REXO5: variants seen among roughly 807,000 people sequenced by gnomAD.
REXO5 encodes the protein exonuclease NEF-sp.
Under a neutral mutation model 88.5 loss-of-function variants are expected in REXO5, and 48 were observed. The ratio of observed to expected loss-of-function variants is 0.54; its 90% CI spans 0.43 to 0.69. The LOEUF is 0.69. Among genes scored for constraint, REXO5 ranks in the 30% least tolerant of loss-of-function variants. The pLI, the probability that REXO5 is intolerant of heterozygous loss-of-function variation, is 0.00. For synonymous variants in REXO5, 311 were observed against 336.5 expected, an observed-to-expected ratio of 0.92 and a Z score of 0.83; for missense variants, 749 against 912.2, an observed-to-expected ratio of 0.82 and a Z score of 2.30.
At chr16:20,820,544 A>ATATT (rs2081166591) in intron 5 of REXO5, among the ~76,000 whole-genome samples, 2 of 13,272 alleles carry the variant, frequency 1.5e-4, no homozygotes, top group African/African-American at 5.6e-4. Context: ...ATATATATAT[A>ATATT]TTTTTTTTTT....
chr16:20,834,340 C>T (rs779078681), intron 13 of REXO5, among the ~76,000 whole-genome samples: 11 of 152,290 alleles, frequency 7.2e-5, no homozygotes, highest in East Asian at 1.9e-4. Flanking sequence ...ATGCCAGTAT[C>T]GCTTGAGCGC....
chr16:20,840,708 C>T (rs2081513860), intron 15 of REXO5, among the ~76,000 whole-genome samples: 1 of 152,114 alleles, frequency 6.6e-6, no homozygotes, highest in Admixed American at 6.5e-5. Flanking sequence ...TGGCCTATAC[C>T]TGTAATCCCA....
chr16:20,828,446 A>G lies in REXO5; in HGVS notation c.1067A>G (p.Gln356Arg), dbSNP rs1223375853. Reference sequence around the variant, plus strand: ...TATTGACTTTCCAGGAAGGATATACAGTGTCCAGACAGACTTGGTCATGAT... The same window carrying G: ...TATTGACTTTCCAGGAAGGATATACGGTGTCCAGACAGACTTGGTCATGAT... ...LAKVILGKDI[Q>R]CPDRLGHDAT... The change falls in exon 11 of 20, where the codon CAG becomes CGG. Residue 356 changes from glutamine (Q) to arginine (R), a missense_variant. Transcript: ENST00000261377. 6.2e-7 allele frequency: 1 copy of G among 1,611,192 alleles called. No homozygotes were observed. Among genetic ancestry groups the G allele is most frequent in the Non-Finnish European group, 8.5e-7 (1 of 1,177,406 alleles).
At chr16:20,812,498 C>T (rs192889466) in intron 2 of REXO5, among the ~76,000 whole-genome samples, 40 of 152,218 alleles carry the variant, frequency 2.6e-4, no homozygotes, top group Admixed American at 1.8e-3. Context: ...GTACTCCATC[C>T]TGGGTGACAG....
intron 5 of REXO5, among the ~76,000 whole-genome samples, chr16:20,818,061 CA>C (rs2081108218): frequency 6.6e-6 from 1 of 152,158 alleles, no homozygotes; most frequent in South Asian, 2.1e-4. Flanking sequence ...AAACTGTCTG[CA>C]TGCCTAATTC....
chr16:20,846,392 G>GT (rs2152513562), intron 19 of REXO5, 53 bp downstream of exon 19: 2 of 1,361,590 alleles, frequency 1.5e-6, no homozygotes, highest in African/African-American at 2.9e-5. Context: ...GATTTCAGCT[G>GT]TTCTTAGAGA....
chr16:20,845,302 T>A (rs1159536989), intron 18 of REXO5, 61 bp downstream of exon 18: 2 of 1,428,498 alleles, frequency 1.4e-6, no homozygotes, highest in Non-Finnish European at 1.9e-6. Flanking sequence ...TGACACTTAA[T>A]CCTTTAATCT....
intron 5 of REXO5, among the ~76,000 whole-genome samples, chr16:20,819,148 C>T (rs1001757428): frequency 1.8e-4 from 27 of 152,132 alleles, no homozygotes; most frequent in Admixed American, 8.5e-4. Context: ...ATATGTACCA[C>T]ATTTTTTTTT....
rs766840145 is a variant in REXO5 at position 20,815,008 on chromosome 16, C to A, written c.333C>A (p.Tyr111Ter). 47 of 1,613,674 alleles carry A rather than the reference C, an allele frequency of 2.9e-5. No homozygotes were observed. The highest frequency in any genetic ancestry group is 3.9e-5 in the Non-Finnish European group (46 of 1,179,942). The stretch of plus-strand genomic sequence containing the variant: ...AGGGAATGAGTCAGCTACACTTTTA[C>A]AGGTTCTATTTGGAGTTTGGATGTC... ...VLQGMSQLHF[Y>*]RFYLEFGCLR... The change falls in exon 4 of 20, where the codon TAC becomes TAA. Residue 111 changes from tyrosine to a stop codon, truncating the protein, a stop_gained. Transcript: ENST00000261377. LOFTEE classifies it high-confidence loss of function.
At chr16:20,848,346 A>G (rs1392475112) in intron 19 of REXO5, among the ~76,000 whole-genome samples, 3 of 152,212 alleles carry the variant, frequency 2.0e-5, no homozygotes, top group African/African-American at 7.2e-5. Context: ...ATTAATATTG[A>G]AAACAACAGT....
Position 20,815,016 on chromosome 16 carries a change from A to G in REXO5, c.341A>G (p.Tyr114Cys), listed in dbSNP as rs752154289. The G allele has an allele frequency of 6.2e-7, 1 of 1,613,618 alleles. No homozygotes were observed. ...AGTCAGCTACACTTTTACAGGTTCT[A>G]TTTGGAGTTTGGATGTCTTCGAAAA... ...GMSQLHFYRF[Y>C]LEFGCLRKAF... Residue 114 changes from tyrosine to cysteine, a missense_variant, in exon 4 of 20, where the codon TAT becomes TGT. Coordinates refer to ENST00000261377, the MANE Select transcript of REXO5 (RefSeq NM_030941.3).
intron 14 of REXO5, 178 bp downstream of exon 14, chr16:20,840,037 T>G: frequency 1.8e-6 from 1 of 561,350 alleles, no homozygotes; most frequent in Non-Finnish European, 3.1e-6. Flanking sequence ...TGCATACTGT[T>G]TTGCAACTTT....
At chr16:20,820,309 A>G (rs2081149756) in intron 5 of REXO5, among the ~76,000 whole-genome samples, 1 of 151,724 alleles carries the variant, frequency 6.6e-6, no homozygotes, top group Non-Finnish European at 1.5e-5. Context: ...TCTTCTACTT[A>G]TGATACTTTG....
rs762728443 is a variant in REXO5, at chr16:20,849,483, C to T, written c.*3C>T. Reference sequence around the variant, plus strand: ...CTGGCCCAGGCCTGTGTTCGTGAGTCGGCCTGCCATGTTTCCATGTGCCAT... The same window carrying T: ...CTGGCCCAGGCCTGTGTTCGTGAGTTGGCCTGCCATGTTTCCATGTGCCAT... On this transcript the variant is annotated 3_prime_UTR_variant, in exon 20 of 20. Coordinates refer to ENST00000261377, the MANE Select transcript of REXO5 (RefSeq NM_030941.3). 10 of 1,613,680 alleles carry T rather than the reference C, an allele frequency of 6.2e-6. No individual in the cohort carries two copies. Among genetic ancestry groups the T allele is most frequent in the South Asian group, 1.1e-5 (1 of 91,030 alleles).
rs577500201 is a variant in REXO5 at position 20,833,285 on chromosome 16, T to C, written c.1383+162T>C. Among the ~76,000 whole-genome samples, 8 of 152,252 alleles carry C rather than the reference T, an allele frequency of 5.3e-5. No homozygotes were observed. The East Asian group carries it at 5.8e-4, about 11-fold the overall frequency. On this transcript the variant is annotated intron_variant, in intron 13 of 19. Coordinates refer to ENST00000261377, the MANE Select transcript of REXO5 (RefSeq NM_030941.3). Reference sequence around the variant, plus strand: ...CTTGTATGGAGTACCTAAGTCCTCATAGGGGCAGAACTGTCAGCTGCCAAT... The same window carrying C: ...CTTGTATGGAGTACCTAAGTCCTCACAGGGGCAGAACTGTCAGCTGCCAAT...
intron 13 of REXO5, among the ~76,000 whole-genome samples, chr16:20,833,551 T>A (rs1157612121): frequency 6.6e-6 from 1 of 152,240 alleles, no homozygotes. Context: ...TTTAACATTT[T>A]GTTTGTAAAT....
At chr16:20,845,352 C>T in intron 18 of REXO5, 111 bp downstream of exon 18, 2 of 847,006 alleles carry the variant, frequency 2.4e-6, no homozygotes, top group Non-Finnish European at 3.4e-6. Flanking sequence ...TTATTTCACT[C>T]TCCAGCTTCC....
chr16:20,811,190 G>A (rs918667155), intron 2 of REXO5, among the ~76,000 whole-genome samples: 1 of 152,114 alleles, frequency 6.6e-6, no homozygotes, highest in Non-Finnish European at 1.5e-5. Flanking sequence ...TCAGGCTCTT[G>A]ACATCCCATG....
chr16:20,826,935 CTT>C (rs2081267670), intron 8 of REXO5, 121 bp from the exon 9 acceptor site: 8 of 918,566 alleles, frequency 8.7e-6, no homozygotes, highest in Non-Finnish European at 9.4e-6. Flanking sequence ...TTATTTGTCA[CTT>C]TGGACACTAA....
Sources: allele counts gnomAD v4.1 joint callset (sites outside exome capture counted in the v4.1 genomes callset), GRCh38; gene constraint gnomAD v4.1.1; transcripts MANE v1.5; gene names NCBI Gene and HGNC (gene_info 2026-07-23, HGNC 2026-07-21).